The following CPNE7 variants were observed in gnomAD, a reference collection of about 807,000 sequenced individuals.
CPNE7 encodes the protein copine 7.
A neutral mutation model predicts 66.5 loss-of-function variants in CPNE7; 78 were observed. That is an observed-to-expected ratio of 1.17 (90% CI 0.98 to 1.42). CPNE7 has a LOEUF of 1.42. Among genes scored for constraint, CPNE7 ranks in the 40% most tolerant of loss-of-function variants. The probability of loss-of-function intolerance (pLI) is 0.00; values close to 1 mark genes in which losing one functional copy is unlikely to be tolerated. For synonymous variants in CPNE7, 468 were observed against 336.7 expected, an observed-to-expected ratio of 1.39 and a Z score of -4.27; for missense variants, 1,012 against 776.6, an observed-to-expected ratio of 1.30 and a Z score of -3.60.
chr16:89,587,644 C>T, intron 9 of CPNE7: 1 of 447,280 alleles, frequency 2.2e-6, no homozygotes, highest in African/African-American at 2.0e-5. Context: ...CGGCACAGAC[C>T]CCGTGTCACC....
chr16:89,584,796 C>T lies in CPNE7; in HGVS notation c.530C>T (p.Pro177Leu). The change falls in exon 5 of 15, where the codon CCC (proline) becomes CTC (leucine). Residue 177 changes from proline to leucine, a missense_variant. By Grantham distance (98) the Pro-to-Leu change is moderately conservative. Transcript: ENST00000319518. This position sits in a 1 kb window ranked among gnomAD's most constrained non-coding sequence, Gnocchi z 6.0. ...CAGGACCTCTTCAGCAAGTCCGACC[C>T]CTTCCTGGAGCTCTACAGGGTCAAC... is the stretch of plus-strand genomic sequence containing the variant. ...DDKDLFSKSD[P>L]FLELYRVNDD... is the part of the protein sequence containing the mutation. 1 of 1,613,656 alleles carries T rather than the reference C, an allele frequency of 6.2e-7. No homozygotes were observed. The highest frequency in any genetic ancestry group is 8.5e-7 in the Non-Finnish European group (1 of 1,179,940).
intron 9 of CPNE7, 123 bp from the exon 10 acceptor site, chr16:89,588,552 C>G (rs1170867069): frequency 1.6e-6 from 2 of 1,241,090 alleles, no homozygotes; most frequent in East Asian, 2.4e-5. Context: ...CCCCCCAGCC[C>G]TACCCACCTA....
chr16:89,578,783 C>T (rs1463450803), intron 2 of CPNE7: 5 of 1,428,158 alleles, frequency 3.5e-6, no homozygotes, highest in Non-Finnish European at 4.6e-6. Flanking sequence ...AAAAAAGAAG[C>T]CTCCTTGTGA....
At position 89,575,781 on chromosome 16, in the gene CPNE7, G is replaced by C. The variant is rs2058851207; in HGVS notation, c.-117G>C. 2.6e-6 allele frequency: 2 copies of C among 765,796 alleles called. No individual in the cohort carries two copies. Among genetic ancestry groups the C allele is most frequent in the Non-Finnish European group, 3.2e-6 (2 of 622,836 alleles). The allele number at this position is 765,796 out of a possible 1,614,324, so 47.4% of individuals were successfully genotyped here. Reference sequence around the variant, plus strand: ...CCACGTGCGCCCGCGCCCGGCAGGCGTTCAGGGAAGCGCGGCCACGCCTGG... The same window carrying C: ...CCACGTGCGCCCGCGCCCGGCAGGCCTTCAGGGAAGCGCGGCCACGCCTGG... On this transcript the variant is annotated 5_prime_UTR_variant, in exon 1 of 15. Coordinates refer to ENST00000319518, the MANE Select transcript of CPNE7 (RefSeq NM_153636.3).
At chr16:89,578,997 G>C (rs778080861) in intron 2 of CPNE7, 3 of 1,595,290 alleles carry the variant, frequency 1.9e-6, no homozygotes, top group Non-Finnish European at 2.6e-6. Flanking sequence ...TTTTATTGAG[G>C]TAAAATTTAC....
intron 13 of CPNE7, among the ~76,000 whole-genome samples, chr16:89,593,933 G>A (rs1176447629): frequency 6.6e-6 from 1 of 152,152 alleles, no homozygotes; most frequent in Non-Finnish European, 1.5e-5. Flanking sequence ...GTCAGTATCA[G>A]CGTCTAATAA....
intron 8 of CPNE7, 95 bp downstream of exon 8, chr16:89,586,851 G>A (rs2059048718): frequency 8.0e-7 from 1 of 1,248,928 alleles, no homozygotes; most frequent in South Asian, 1.2e-5. Flanking sequence ...CAGAGGCCTG[G>A]TGGGCCCCAG....
At chr16:89,576,673 T>A (rs1040186697) in intron 1 of CPNE7, among the ~76,000 whole-genome samples, 9 of 152,234 alleles carry the variant, frequency 5.9e-5, no homozygotes, top group African/African-American at 1.7e-4. Context: ...GAGAAACGCA[T>A]GGCGCGAAGC....
At chr16:89,593,749 C>T (rs934544708) in intron 13 of CPNE7, among the ~76,000 whole-genome samples, 3 of 152,198 alleles carry the variant, frequency 2.0e-5, no homozygotes, top group Non-Finnish European at 2.9e-5. Flanking sequence ...AATTTAGATA[C>T]AATCCTTTTA....
rs1487342800 is a variant in CPNE7 at position 89,591,185 on chromosome 16, C to T, written c.1227C>T (p.Gly409=). The T allele has an allele frequency of 6.2e-6, 10 of 1,601,560 alleles. No individual in the cohort carries two copies. Among genetic ancestry groups the T allele is most frequent in the Non-Finnish European group, 6.8e-6 (8 of 1,174,326 alleles). ...GCCTGCCCAGGGTCCAGCTCTACGG[C>T]CCCACCAACGTGGCGCCCATCATCT... is the stretch of plus-strand genomic sequence containing the variant. ...QNCLPRVQLY[G]PTNVAPIISK... The change falls in exon 13 of 15, where the codon GGC becomes GGT. Residue 409 remains glycine (G), a synonymous_variant. Coordinates refer to ENST00000319518, the MANE Select transcript of CPNE7 (RefSeq NM_153636.3).
chr16:89,587,085 TGCCAGA>T lies in CPNE7; in HGVS notation c.911_916del (p.Cys304_Ile306delinsPhe), dbSNP rs2059054845. On this transcript the variant is annotated inframe_deletion, in exon 9 of 15. Transcript: ENST00000319518. ...CTTCCTGGACTATATCATGGGCGGC[TGCCAGA>T]TCCACTTCACCGTGAGTCCATGGCC... 6.4e-7 allele frequency: 1 copy of T among 1,570,104 alleles called. No individual in the cohort carries two copies. The highest frequency in any genetic ancestry group is 1.8e-5 in the Admixed American group (1 of 54,788).
intron 11 of CPNE7, 69 bp from the exon 12 acceptor site, chr16:89,590,938 C>T (rs1234168278): frequency 1.3e-6 from 2 of 1,572,552 alleles, no homozygotes; most frequent in South Asian, 1.1e-5. Context: ...GAGCAGCTGA[C>T]CGAGGGACAT....
Position 89,585,683 on chromosome 16 carries a change from C to T in CPNE7, c.682-4C>T. 6.4e-7 allele frequency: 1 copy of T among 1,553,112 alleles called. No homozygotes were observed. The highest frequency in any genetic ancestry group is 8.7e-7 in the Non-Finnish European group (1 of 1,147,976). ...GCAGTGCTGAGGAGGACTGGGCTCC[C>T]CAGTGCCTGGTCTGGGATTACGACT... is the stretch of plus-strand genomic sequence containing the variant. On this transcript the variant is annotated splice_region_variant and splice_polypyrimidine_tract_variant and intron_variant, in intron 6 of 14. Coordinates refer to ENST00000319518, the MANE Select transcript of CPNE7 (RefSeq NM_153636.3).
Position 89,581,025 on chromosome 16 carries a change from C to T in CPNE7, c.358-2672C>T, listed in dbSNP as rs1055818270. ...CTGTCACACGGAACATCCCGTCACC[C>T]GTCACACGGAACATCCCGTAACCCA... On this transcript the variant is annotated intron_variant, in intron 2 of 14. Coordinates refer to ENST00000319518, the MANE Select transcript of CPNE7 (RefSeq NM_153636.3). Among the ~76,000 whole-genome samples, 45 of 150,052 alleles carry T rather than the reference C, an allele frequency of 3.0e-4. 1 individual carries two copies. The highest frequency in any genetic ancestry group is 1.1e-3 in the African/African-American group (44 of 40,622).
chr16:89,593,654 C>T (rs190938010), intron 13 of CPNE7, among the ~76,000 whole-genome samples: 38 of 152,296 alleles, frequency 2.5e-4, no homozygotes, highest in African/African-American at 8.9e-4. Flanking sequence ...GCCCGGCCTA[C>T]CTCTTACTAT....
At chr16:89,588,890 C>T (rs945563269) in intron 10 of CPNE7, 82 bp downstream of exon 10, 11 of 1,562,480 alleles carry the variant, frequency 7.0e-6, no homozygotes, top group Middle Eastern at 3.4e-4. Flanking sequence ...CCCTCACCCC[C>T]CTGGTCTCCA....
In CPNE7 at chr16:89,595,440, G is replaced by T; in HGVS notation, c.1376G>T (p.Arg459Leu). ...DMADTREAIV[R>L]ASRLPMSIII... ...GCCGACACACGGGAGGCCATTGTGC[G>T]TGCCTCACGCCTGCCCATGTCCATC... is the stretch of plus-strand genomic sequence containing the variant. The change falls in exon 14 of 15, where the codon CGT becomes CTT. Residue 459 changes from arginine to leucine, a missense_variant. Physicochemically the swap from Arg to Leu is moderately radical, Grantham distance 102. Coordinates refer to ENST00000319518, the MANE Select transcript of CPNE7 (RefSeq NM_153636.3). 1.2e-6 allele frequency: 2 copies of T among 1,611,106 alleles called. No individual in the cohort carries two copies. The highest frequency in any genetic ancestry group is 1.1e-5 in the South Asian group (1 of 90,912).
Position 89,587,750 on chromosome 16 carries a change from G to A in CPNE7, c.927+648G>A, listed in dbSNP as rs1273918202. ...TGTCACCCACAGATACACGGCCCCC[G>A]TGTCACCCGCGTGTCACCCACAGAA... On this transcript the variant is annotated intron_variant, in intron 9 of 14. Transcript: ENST00000319518. 7.3e-4 allele frequency: 51 copies of A among 69,522 alleles called. 1 individual carries two copies. Among genetic ancestry groups the A allele is most frequent in the Non-Finnish European group, 9.6e-4 (32 of 33,292 alleles). 4.3% of individuals were successfully genotyped at this position (69,522 alleles called of 1,614,324 possible).
rs2151453023 is a variant in CPNE7 at position 89,589,881 on chromosome 16, C to T, written c.1062-16C>T. On this transcript the variant is annotated splice_polypyrimidine_tract_variant and intron_variant, in intron 10 of 14. Transcript: ENST00000319518. ...AGAGGTCAGGGCCTCCTGGTGACCT[C>T]CTGCCTCTCTTCCAGTGACAAGAGG... 3 of 1,613,642 alleles carry T rather than the reference C, an allele frequency of 1.9e-6. No homozygotes were observed. Among genetic ancestry groups the T allele is most frequent in the East Asian group, 4.5e-5 (2 of 44,882 alleles).
Sources: allele counts gnomAD v4.1 joint callset (sites outside exome capture counted in the v4.1 genomes callset), GRCh38; gene constraint gnomAD v4.1.1; non-coding constraint Gnocchi (gnomAD v3.1); transcripts MANE v1.5; gene names NCBI Gene and HGNC (gene_info 2026-07-23, HGNC 2026-07-21).